Variants in KANK4 observed in about 807,000 individuals in gnomAD.
KANK4 encodes KN motif and ankyrin repeat domain-containing protein 4.
KANK4 carries 50 observed loss-of-function variants against 80.8 expected under a neutral mutation model. The observed-to-expected ratio is 0.62, with a 90% CI of 0.49 to 0.78. KANK4 has a LOEUF of 0.78. KANK4 is among the 30% of genes least tolerant of loss of function. KANK4 has a pLI of 0.00. For missense variants in KANK4, 1,196 were observed against 1,240.1 expected (o/e 0.96, Z 0.53); for synonymous variants, 465 against 506.9 (o/e 0.92, Z 1.11).
intron 7 of KANK4, among the ~76,000 whole-genome samples, chr1:62,254,094 G>A (rs886920070): frequency 6.6e-6 from 1 of 152,280 alleles, no homozygotes; most frequent in Middle Eastern, 3.4e-3. Flanking sequence ...CAAGTACCAG[G>A]AGGGTGAACA....
At chr1:62,264,531 C>A (rs1211005987) in intron 6 of KANK4, among the ~76,000 whole-genome samples, 1 of 152,190 alleles carries the variant, frequency 6.6e-6, no homozygotes, top group Non-Finnish European at 1.5e-5. Flanking sequence ...TAAAAGGGGA[C>A]TGGCCCCTTA....
chr1:62,253,107 T>A lies in KANK4; in HGVS notation c.2642A>T (p.Lys881Met). ...ETNEDMAVVW[K>M]LLREGNVNIQ... is the part of the protein sequence containing the mutation. ...GTTCACATTTCCTTCTCTTAAGAGC[T>A]TCCAGACAACAGCCATGTCTTCATT... The change falls in exon 8 of 10, where the codon AAG becomes ATG. Residue 881 changes from lysine (K) to methionine (M), a missense_variant. This residue lies in a region of KANK4 where 1,154 missense variants were observed against 1,179.6 expected (regional missense o/e 0.98). Coordinates refer to ENST00000371153, the MANE Select transcript of KANK4 (RefSeq NM_181712.5). The A allele has an allele frequency of 6.2e-7, 1 of 1,614,084 alleles. No homozygotes were observed. Among genetic ancestry groups the A allele is most frequent in the Non-Finnish European group, 8.5e-7 (1 of 1,179,978 alleles).
rs1050316235 is a variant in KANK4, at chr1:62,263,135, C to T, written c.2496G>A (p.Val832=). 2.5e-6 allele frequency: 4 copies of T among 1,613,594 alleles called. No individual in the cohort carries two copies. Among genetic ancestry groups the T allele is most frequent in the Admixed American group, 1.7e-5 (1 of 59,936 alleles). ...HNGNTALHYS[V]SHSNFSIVKL... is the part of the protein sequence containing the mutation. ...TCACGATGGAGAAGTTGGAGTGGGACACGCTGTAGTGAAGGGCCGTGTTCC... is the reference window on the plus strand; with the variant it reads ...TCACGATGGAGAAGTTGGAGTGGGATACGCTGTAGTGAAGGGCCGTGTTCC... The change falls in exon 7 of 10, where the codon GTG becomes GTA. Residue 832 remains valine, a synonymous_variant. Transcript: ENST00000371153.
chr1:62,290,781 G>C (rs1672662923), intron 1 of KANK4, among the ~76,000 whole-genome samples: 1 of 149,870 alleles, frequency 6.7e-6, no homozygotes, highest in African/African-American at 2.5e-5. Flanking sequence ...GTCTCACTCT[G>C]TCGCCCAGGC....
At chr1:62,294,641 A>AC (rs5774596) in intron 1 of KANK4, among the ~76,000 whole-genome samples, 94,118 of 152,076 alleles carry the variant, frequency 0.62, 29,639 homozygotes, top group East Asian at 0.74. Flanking sequence ...TGATCCCCAG[A>AC]ACCTGGGTGG....
intron 1 of KANK4, among the ~76,000 whole-genome samples, chr1:62,305,290 T>A (rs944257224): frequency 6.7e-6 from 1 of 148,652 alleles, no homozygotes; most frequent in Non-Finnish European, 1.5e-5. Flanking sequence ...CGAATGCAGC[T>A]GTTGATGAAT....
At chr1:62,316,486 A>G (rs985719713) in intron 1 of KANK4, among the ~76,000 whole-genome samples, 3 of 152,184 alleles carry the variant, frequency 2.0e-5, no homozygotes, top group Non-Finnish European at 4.4e-5. Flanking sequence ...GCAAGTCAGG[A>G]GCTTAGGAAT....
At chr1:62,289,726 A>T (rs1672642283) in intron 1 of KANK4, among the ~76,000 whole-genome samples, 2 of 152,210 alleles carry the variant, frequency 1.3e-5, no homozygotes, top group African/African-American at 4.8e-5. Flanking sequence ...GAAAATAAAA[A>T]ATAAATTATT....
intron 8 of KANK4, 101 bp from the exon 9 acceptor site, chr1:62,247,773 C>T (rs1452426700): frequency 4.3e-6 from 4 of 933,846 alleles, no homozygotes; most frequent in African/African-American, 3.2e-5. Flanking sequence ...AATACCACAA[C>T]CACTGATTTG....
intron 5 of KANK4, 146 bp downstream of exon 5, chr1:62,268,141 C>T: frequency 1.4e-6 from 1 of 706,368 alleles, no homozygotes; most frequent in Admixed American, 2.5e-5. Flanking sequence ...TCAACCAGTG[C>T]ACAGTGTGGG....
At chr1:62,279,835 TG>T (rs1672414189) in intron 2 of KANK4, among the ~76,000 whole-genome samples, 1 of 152,028 alleles carries the variant, frequency 6.6e-6, no homozygotes, top group South Asian at 2.1e-4. Context: ...AAAGTGAGTC[TG>T]GGGAGAAGAA....
At chr1:62,294,402 C>A (rs1644340916) in intron 1 of KANK4, among the ~76,000 whole-genome samples, 1 of 152,210 alleles carries the variant, frequency 6.6e-6, no homozygotes, top group Non-Finnish European at 1.5e-5. Context: ...CCTGCACCCA[C>A]CCTCTTTGGG....
At position 62,268,313 on chromosome 1, in the gene KANK4, T is replaced by C. The variant is rs756573332; in HGVS notation, c.2205A>G (p.Glu735=). The C allele has an allele frequency of 1.9e-6, 3 of 1,613,686 alleles. No individual in the cohort carries two copies. In the South Asian group the frequency reaches 3.3e-5, roughly 18 times the overall value. The change falls in exon 5 of 10, where the codon GAA becomes GAG. Residue 735 remains glutamate (E), a synonymous_variant. Transcript: ENST00000371153. The part of the protein sequence containing the change: ...CHAAQESGPG[E]EVPHSKAERY... ...TCTCGGCCTTGGAGTGGGGGACTTC[T>C]TCCCCAGGCCCACTTTCCTGGGCAG...
intron 4 of KANK4, among the ~76,000 whole-genome samples, chr1:62,270,885 G>C (rs1362080118): frequency 6.6e-6 from 1 of 152,086 alleles, no homozygotes; most frequent in African/African-American, 2.4e-5. Context: ...TGAGCTAAAG[G>C]CAGAGACCTT....
intron 1 of KANK4, among the ~76,000 whole-genome samples, chr1:62,311,440 T>C (rs1051287475): frequency 6.6e-6 from 1 of 152,146 alleles, no homozygotes; most frequent in Admixed American, 6.6e-5. Flanking sequence ...CTAATAAATA[T>C]TGCTCCAGTA....
At chr1:62,238,486 C>A (rs905723675) in intron 9 of KANK4, 105 bp from the exon 10 acceptor site, 6 of 867,992 alleles carry the variant, frequency 6.9e-6, no homozygotes, top group African/African-American at 6.6e-5. Context: ...ACACAGGTGT[C>A]TATTAAGGCT....
In KANK4 at chr1:62,307,259, G is replaced by C. The variant is rs527265278; in HGVS notation, c.-71+11847C>G. On this transcript the variant is annotated intron_variant, in intron 1 of 9. Transcript: ENST00000371153. ...GCACTTTGGGAGGCTGAGGTGGGTA[G>C]ATCGCCTGAGGTCAGGAGTTCGAGA... 2.4e-3 allele frequency among the ~76,000 whole-genome samples: 366 copies of C among 152,204 alleles called. 2 individuals are homozygous for C. The highest frequency in any genetic ancestry group is 8.5e-3 in the African/African-American group (354 of 41,536).
chr1:62,245,925 G>T (rs1671454409), intron 9 of KANK4, among the ~76,000 whole-genome samples: 1 of 152,176 alleles, frequency 6.6e-6, no homozygotes, highest in African/African-American at 2.4e-5. Flanking sequence ...CAGAGACATG[G>T]ATGCTTCAAT....
intron 1 of KANK4, among the ~76,000 whole-genome samples, chr1:62,304,313 T>C (rs1322427225): frequency 1.3e-5 from 2 of 152,038 alleles, no homozygotes. Flanking sequence ...GACATGGGAA[T>C]GGAGTGCCAG....
Sources: gnomAD v4.1 joint callset for allele counts (sites outside exome capture counted in the v4.1 genomes callset) on GRCh38, gnomAD v4.1.1 for gene constraint, gnomAD v4.1.1 regional missense constraint, MANE v1.5 for transcripts, NCBI Gene and HGNC (gene_info 2026-07-23, HGNC 2026-07-21) for gene names.